RAPGEF2: variants seen among roughly 807,000 people sequenced by gnomAD.
The protein encoded by RAPGEF2 is Rap guanine nucleotide exchange factor 2.
RAPGEF2 carries 54 observed loss-of-function variants against 186.7 expected under a neutral mutation model. That is an observed-to-expected ratio of 0.29 (90% CI 0.23 to 0.36). The LOEUF (loss-of-function observed/expected upper bound fraction) is 0.36. RAPGEF2 is among the 10% of genes least tolerant of loss of function. The pLI, the probability that RAPGEF2 is intolerant of heterozygous loss-of-function variation, is 1.00. For missense variants in RAPGEF2, 1,532 were observed against 2,045.0 expected (o/e 0.75, Z 4.84); for synonymous variants, 712 against 705.9 (o/e 1.01, Z -0.14).
intron 7 of RAPGEF2, among the ~76,000 whole-genome samples, chr4:159,266,524 A>C (rs557487590): frequency 6.6e-6 from 1 of 152,184 alleles, no homozygotes; most frequent in Non-Finnish European, 1.5e-5. Flanking sequence ...ATAATAGAAT[A>C]ATGTATCCGC....
intron 1 of RAPGEF2, among the ~76,000 whole-genome samples, chr4:159,134,860 C>A (rs1251271490): frequency 2.6e-5 from 4 of 152,210 alleles, no homozygotes; most frequent in Non-Finnish European, 5.9e-5. Context: ...CCTGTACCCT[C>A]ATCCTCTATC....
At chr4:159,296,506 G>A (rs140954576) in intron 7 of RAPGEF2, among the ~76,000 whole-genome samples, 2,208 of 152,286 alleles carry the variant, frequency 0.014, 14 homozygotes, top group Non-Finnish European at 0.021. Flanking sequence ...TTAAGTGTGT[G>A]CTCCCTAGCC....
At chr4:159,204,130 T>TG (rs1481066893) in intron 3 of RAPGEF2, among the ~76,000 whole-genome samples, 4 of 152,226 alleles carry the variant, frequency 2.6e-5, no homozygotes, top group Non-Finnish European at 5.9e-5. Flanking sequence ...CTAGGCATGA[T>TG]GCGCAGTTCC....
intron 1 of RAPGEF2, among the ~76,000 whole-genome samples, chr4:159,114,653 A>T (rs897293723): frequency 2.0e-5 from 3 of 152,260 alleles, no homozygotes; most frequent in Non-Finnish European, 4.4e-5. Flanking sequence ...GTAGATCACA[A>T]TATTTGTTAT....
Position 159,332,540 on chromosome 4 carries a change from C to A in RAPGEF2, c.1978C>A (p.Arg660Ser), listed in dbSNP as rs1427318584. The part of the protein sequence containing the change: ...PKIGDIKKAS[R>S]YSIPDLAVDV... ...AATTGGTGACATTAAAAAGGCCAGT[C>A]GCTACTCCATTCCAGATCTTGCTGT... Residue 660 changes from arginine to serine, a missense_variant, in exon 17 of 30, where the codon CGC becomes AGC. Coordinates refer to ENST00000691494, the MANE Select transcript of RAPGEF2 (RefSeq NM_001394067.2). 1.2e-6 allele frequency: 2 copies of A among 1,614,092 alleles called. No individual in the cohort carries two copies. Among genetic ancestry groups the A allele is most frequent in the Non-Finnish European group, 1.7e-6 (2 of 1,180,004 alleles).
intron 1 of RAPGEF2, among the ~76,000 whole-genome samples, chr4:159,114,434 G>T (rs955027034): frequency 4.0e-5 from 6 of 151,740 alleles, no homozygotes; most frequent in African/African-American, 1.2e-4. Context: ...TCTGTGTCTT[G>T]CTATTTAGCC....
intron 1 of RAPGEF2, among the ~76,000 whole-genome samples, chr4:159,121,757 T>C (rs950682702): frequency 6.6e-6 from 1 of 151,802 alleles, no homozygotes; most frequent in Non-Finnish European, 1.5e-5. Flanking sequence ...GGAGCCGGGC[T>C]CGGTGGCTCA....
intron 1 of RAPGEF2, among the ~76,000 whole-genome samples, chr4:159,159,015 A>T (rs1218137357): frequency 6.6e-6 from 1 of 152,216 alleles, no homozygotes; most frequent in African/African-American, 2.4e-5. Context: ...TGTAGGTATG[A>T]TCCTTAATTT....
chr4:159,227,139 A>G (rs544137231), intron 4 of RAPGEF2, among the ~76,000 whole-genome samples: 1 of 152,216 alleles, frequency 6.6e-6, no homozygotes, highest in Non-Finnish European at 1.5e-5. Flanking sequence ...TGCCATTAAC[A>G]TAGAGCTTTA....
intron 8 of RAPGEF2, among the ~76,000 whole-genome samples, chr4:159,312,438 T>C (rs1177470639): frequency 6.6e-6 from 1 of 152,204 alleles, no homozygotes; most frequent in East Asian, 1.9e-4. Context: ...CTATTTTCTC[T>C]AACCACAACC....
At chr4:159,114,909 T>C (rs1251429769) in intron 1 of RAPGEF2, among the ~76,000 whole-genome samples, 1 of 152,170 alleles carries the variant, frequency 6.6e-6, no homozygotes, top group Non-Finnish European at 1.5e-5. Context: ...GAGGCACTGT[T>C]ACAGCTATGG....
chr4:159,275,021 G>A (rs1316903463), intron 7 of RAPGEF2, among the ~76,000 whole-genome samples: 1 of 150,096 alleles, frequency 6.7e-6, no homozygotes, highest in African/African-American at 2.5e-5. Context: ...CCTAACATAG[G>A]CCTTATATGT....
At position 159,330,020 on chromosome 4, in the gene RAPGEF2, A is replaced by C; in HGVS notation, c.1302+10A>C. 1 of 1,594,908 alleles carries C rather than the reference A, an allele frequency of 6.3e-7. No homozygotes were observed. Among genetic ancestry groups the C allele is most frequent in the Non-Finnish European group, 8.5e-7 (1 of 1,173,244 alleles). ...ACACATTGTCATCAAGGTAGGACAC[A>C]GGACCACTCCTTCCCAAGGAAAGGA... On this transcript the variant is annotated intron_variant, in intron 12 of 29. Transcript: ENST00000691494.
At chr4:159,223,211 C>CTTAT (rs397804897) in intron 4 of RAPGEF2, among the ~76,000 whole-genome samples, 2 of 151,506 alleles carry the variant, frequency 1.3e-5, no homozygotes, top group Non-Finnish European at 2.9e-5. Context: ...ATGTTTCTTA[C>CTTAT]GGCGTTATAG....
intron 1 of RAPGEF2, among the ~76,000 whole-genome samples, chr4:159,117,944 C>T (rs1739230842): frequency 2.0e-5 from 3 of 151,808 alleles, no homozygotes; most frequent in African/African-American, 7.3e-5. Context: ...ACAAATACAG[C>T]TTTGTTTTGC....
chr4:159,261,348 C>T (rs1033910257), intron 7 of RAPGEF2, among the ~76,000 whole-genome samples: 11 of 152,190 alleles, frequency 7.2e-5, no homozygotes, highest in East Asian at 5.8e-4. Flanking sequence ...GGGCGTGAGC[C>T]ACCGCATCCA....
At chr4:159,282,832 A>G (rs911686557) in intron 7 of RAPGEF2, among the ~76,000 whole-genome samples, 4 of 152,182 alleles carry the variant, frequency 2.6e-5, no homozygotes, top group African/African-American at 9.7e-5. Flanking sequence ...TGATTCAAGG[A>G]TTTAAAATAG....
intron 1 of RAPGEF2, among the ~76,000 whole-genome samples, chr4:159,145,045 C>T (rs1170061045): frequency 6.6e-6 from 1 of 151,834 alleles, no homozygotes; most frequent in East Asian, 1.9e-4. Flanking sequence ...TGCACCAGTA[C>T]ACCTGGGTAG....
intron 8 of RAPGEF2, among the ~76,000 whole-genome samples, chr4:159,313,075 G>A (rs1175518444): frequency 2.6e-5 from 4 of 152,176 alleles, no homozygotes; most frequent in African/African-American, 4.8e-5. Flanking sequence ...ATGAACCTGG[G>A]AGGCAGAGGT....
Sources: gnomAD v4.1 joint callset for allele counts (sites outside exome capture counted in the v4.1 genomes callset) on GRCh38, gnomAD v4.1.1 for gene constraint, MANE v1.5 for transcripts, NCBI Gene and HGNC (gene_info 2026-07-23, HGNC 2026-07-21) for gene names.